BACE2: variants seen among roughly 807,000 people sequenced by gnomAD.
The protein encoded by BACE2 is beta-secretase 2.
BACE2 carries 17 observed loss-of-function variants against 46.2 expected under a neutral mutation model. That is an observed-to-expected ratio of 0.37 (90% confidence interval 0.25 to 0.55). The LOEUF is 0.55. Ranked by LOEUF, BACE2 falls within the 20% of genes least tolerant of loss-of-function variation. The probability of loss-of-function intolerance (pLI) is 0.82; values close to 1 mark genes in which losing one functional copy is unlikely to be tolerated. For synonymous variants in BACE2, 277 were observed against 295.9 expected, an observed-to-expected ratio of 0.94 and a Z score of 0.66; for missense variants, 595 against 698.1, an observed-to-expected ratio of 0.85 and a Z score of 1.66.
chr21:41,194,193 C>T (rs1479941526), intron 1 of BACE2, among the ~76,000 whole-genome samples: 1 of 152,096 alleles, frequency 6.6e-6, no homozygotes, highest in Non-Finnish European at 1.5e-5. Context: ...GGCTTCCTAT[C>T]AATTTCACTT....
At chr21:41,187,349 G>A (rs541093491) in intron 1 of BACE2, among the ~76,000 whole-genome samples, 4 of 152,318 alleles carry the variant, frequency 2.6e-5, no homozygotes, top group Admixed American at 2.0e-4. Flanking sequence ...TGCATTAGAG[G>A]CTGTAGAGTC....
chr21:41,270,595 T>C (rs750209591), intron 8 of BACE2, among the ~76,000 whole-genome samples: 2 of 152,218 alleles, frequency 1.3e-5, no homozygotes, highest in African/African-American at 2.4e-5. Flanking sequence ...ACAAATGTGT[T>C]ATTTAGTTTC....
chr21:41,211,938 G>A (rs895969345), intron 1 of BACE2, among the ~76,000 whole-genome samples: 1 of 152,250 alleles, frequency 6.6e-6, no homozygotes, highest in East Asian at 1.9e-4. Context: ...TCCACAGTCT[G>A]TTTAGGTTTC....
At chr21:41,239,806 T>C (rs932321977) in intron 3 of BACE2, among the ~76,000 whole-genome samples, 3 of 152,224 alleles carry the variant, frequency 2.0e-5, no homozygotes, top group Admixed American at 6.5e-5. Flanking sequence ...CTCTGTATCA[T>C]AGATAATTGC....
rs559076938 is a variant in BACE2, at chr21:41,193,789, C to A, written c.312+25214C>A. The stretch of plus-strand genomic sequence containing the variant: ...ACCTGAGCTAAAACTCCTTTAAGTA[C>A]CTGACTTCCGTAAGCCTCTACTTTA... On this transcript the variant is annotated intron_variant, in intron 1 of 8. Coordinates refer to ENST00000330333, the MANE Select transcript of BACE2 (RefSeq NM_012105.5). The surrounding 1 kb of genome is among the most constrained non-coding windows in gnomAD (Gnocchi z 4.2). 1.3e-5 allele frequency among the ~76,000 whole-genome samples: 2 copies of A among 152,292 alleles called. No homozygotes were observed. Among genetic ancestry groups the A allele is most frequent in the South Asian group, 4.1e-4 (2 of 4,820 alleles).
chr21:41,208,278 G>C (rs1461464101), intron 1 of BACE2, among the ~76,000 whole-genome samples: 1 of 152,260 alleles, frequency 6.6e-6, no homozygotes, highest in Non-Finnish European at 1.5e-5. Flanking sequence ...CACCAGAGGG[G>C]AATGTGGGCA....
intron 7 of BACE2, chr21:41,252,460 T>C (rs900024520): frequency 2.6e-5 from 4 of 152,258 alleles, no homozygotes; most frequent in African/African-American, 9.6e-5. Context: ...TTTGTGAGGT[T>C]GCACCTCCCA....
chr21:41,195,723 G>A (rs1023812941), intron 1 of BACE2, among the ~76,000 whole-genome samples: 4 of 152,172 alleles, frequency 2.6e-5, no homozygotes, highest in Non-Finnish European at 5.9e-5. Flanking sequence ...GGCCCGTCAC[G>A]TTGGATGCCA....
At chr21:41,184,104 G>A (rs1381473503) in intron 1 of BACE2, 1 of 167,040 alleles carries the variant, frequency 6.0e-6, no homozygotes. Context: ...AGGACTTGAA[G>A]GTCCCATTGC....
At position 41,193,221 on chromosome 21, in the gene BACE2, C is replaced by T. The variant is rs1485206260; in HGVS notation, c.312+24646C>T. On this transcript the variant is annotated intron_variant, in intron 1 of 8. Transcript: ENST00000330333. This position sits in a 1 kb window ranked among gnomAD's most constrained non-coding sequence, Gnocchi z 4.2. ...AGGTAGGACAGTAAAGGTGTATTGC[C>T]GGCCTTGCCAGCGGAAGGCAAATTG... Among the ~76,000 whole-genome samples the T allele has an allele frequency of 2.0e-5, 3 of 152,186 alleles. No homozygotes were observed. The highest frequency in any genetic ancestry group is 4.8e-5 in the African/African-American group (2 of 41,434).
intron 4 of BACE2, among the ~76,000 whole-genome samples, chr21:41,242,946 G>T (rs974439366): frequency 2.0e-5 from 3 of 151,616 alleles, no homozygotes; most frequent in Non-Finnish European, 2.9e-5. Flanking sequence ...ATGGAGTCTC[G>T]CTCTGTCGCC....
At chr21:41,272,752 T>G (rs2088446462) in intron 8 of BACE2, among the ~76,000 whole-genome samples, 1 of 152,212 alleles carries the variant, frequency 6.6e-6, no homozygotes. Context: ...AATTCTATCA[T>G]CTGTGCCATT....
At chr21:41,244,187 T>C (rs925490643) in intron 5 of BACE2, among the ~76,000 whole-genome samples, 1 of 152,258 alleles carries the variant, frequency 6.6e-6, no homozygotes, top group Non-Finnish European at 1.5e-5. Context: ...GATGTCATTA[T>C]ATTCTAACCT....
Position 41,250,804 on chromosome 21 carries a change from C to T in BACE2, c.1037C>T (p.Thr346Met), listed in dbSNP as rs1025896897. 6.8e-6 allele frequency: 11 copies of T among 1,614,002 alleles called. No individual in the cohort carries two copies. In the African/African-American group the frequency reaches 8.0e-5, roughly 12 times the overall value. ...ACTGGGTCCCAGCTGGCGTGCTGGA[C>T]GAATTCGGAAACACCTTGGTCTTAC... ...FWTGSQLACW[T>M]NSETPWSYFP... The change falls in exon 7 of 9, where the codon ACG becomes ATG. Residue 346 changes from threonine to methionine, a missense_variant. Coordinates refer to ENST00000330333, the MANE Select transcript of BACE2 (RefSeq NM_012105.5).
Position 41,234,475 on chromosome 21 carries a change from G to A in BACE2, c.402-3038G>A, listed in dbSNP as rs567204013. 2.0e-5 allele frequency among the ~76,000 whole-genome samples: 3 copies of A among 152,270 alleles called. No homozygotes were observed. In the East Asian group the frequency reaches 5.8e-4, roughly 29 times the overall value. On this transcript the variant is annotated intron_variant, in intron 2 of 8. Transcript: ENST00000330333. ...GCAAGTTTACTTACACATTGTCTGT[G>A]GCTGCTTCCACATTACGTTTGAGAG...
At chr21:41,218,757 A>G (rs1370302374) in intron 1 of BACE2, among the ~76,000 whole-genome samples, 1 of 152,204 alleles carries the variant, frequency 6.6e-6, no homozygotes, top group African/African-American at 2.4e-5. Flanking sequence ...TTCATGCATT[A>G]TGTAAAATTA....
chr21:41,239,034 G>T (rs186882490), intron 3 of BACE2, among the ~76,000 whole-genome samples: 47 of 150,644 alleles, frequency 3.1e-4, no homozygotes, highest in Admixed American at 2.9e-3. Flanking sequence ...CCACGCCCTG[G>T]CCTCACCTTG....
At chr21:41,263,307 G>A (rs2123638786) in intron 8 of BACE2, among the ~76,000 whole-genome samples, 1 of 152,348 alleles carries the variant, frequency 6.6e-6, no homozygotes, top group South Asian at 2.1e-4. Flanking sequence ...AAATGAGTAT[G>A]TAAGTGTGCT....
At chr21:41,202,360 C>T (rs891553704) in intron 1 of BACE2, among the ~76,000 whole-genome samples, 3 of 152,188 alleles carry the variant, frequency 2.0e-5, no homozygotes, top group South Asian at 2.1e-4. Context: ...GCCCACCCAC[C>T]TCCACCCCAG....
Sources: allele counts gnomAD v4.1 joint callset (sites outside exome capture counted in the v4.1 genomes callset), GRCh38; gene constraint gnomAD v4.1.1; non-coding constraint Gnocchi (gnomAD v3.1); transcripts MANE v1.5; gene names NCBI Gene and HGNC (gene_info 2026-07-23, HGNC 2026-07-21).